Variants in HERC1 observed in about 807,000 individuals in gnomAD.
HERC1 encodes the protein HECT and RLD domain containing E3 ubiquitin protein ligase family member 1, also known as probable E3 ubiquitin-protein ligase HERC1.
HERC1 carries 160 observed loss-of-function variants against 554.3 expected under a neutral mutation model. That is an observed-to-expected ratio of 0.29 (90% CI 0.25 to 0.33). HERC1 has a LOEUF of 0.33. Among genes scored for constraint, HERC1 ranks in the 10% least tolerant of loss-of-function variants. HERC1 has a pLI of 1.00. For synonymous variants in HERC1, 2,175 were observed against 2,131.7 expected (o/e 1.02, Z -0.56); for missense variants, 4,919 against 5,918.5 (o/e 0.83, Z 5.54).
chr15:63,708,529 G>T (rs1478838652), intron 24 of HERC1, among the ~76,000 whole-genome samples: 2 of 152,214 alleles, frequency 1.3e-5, no homozygotes, highest in Middle Eastern at 3.4e-3. Flanking sequence ...GACTAGAAGG[G>T]TGTAGCAAGA....
chr15:63,701,386 T>C (rs1162326286), intron 25 of HERC1, among the ~76,000 whole-genome samples: 2 of 152,190 alleles, frequency 1.3e-5, no homozygotes, highest in African/African-American at 2.4e-5. Context: ...CAAAATATTC[T>C]ATGGAATGGC....
In HERC1 at chr15:63,717,584, T is replaced by A. The variant is rs535154308; in HGVS notation, c.3978+990A>T. ...AATAAGTAGTTTCGGCCAGGTGAGG[T>A]GGCTCACGCCTATAATCCTAGCATT... On this transcript the variant is annotated intron_variant, in intron 21 of 77. Coordinates refer to ENST00000443617, the MANE Select transcript of HERC1 (RefSeq NM_003922.4). Among the ~76,000 whole-genome samples, 17 of 152,332 alleles carry A rather than the reference T, an allele frequency of 1.1e-4. No individual in the cohort carries two copies. The East Asian group carries it at 3.3e-3, about 29-fold the overall frequency.
chr15:63,672,991 GT>G (rs1214791525), intron 38 of HERC1, among the ~76,000 whole-genome samples: 1 of 152,096 alleles, frequency 6.6e-6, no homozygotes, highest in Non-Finnish European at 1.5e-5. Context: ...CTCACTTTTG[GT>G]TGTAAGATCT....
At chr15:63,817,053 G>C (rs2077515753) in intron 1 of HERC1, among the ~76,000 whole-genome samples, 1 of 152,092 alleles carries the variant, frequency 6.6e-6, no homozygotes, top group African/African-American at 2.4e-5. Context: ...TGACATTACA[G>C]AGATGCAATG....
Position 63,677,767 on chromosome 15 carries a change from T to G in HERC1, c.7070+78A>C. On this transcript the variant is annotated intron_variant, in intron 37 of 77. Coordinates refer to ENST00000443617, the MANE Select transcript of HERC1 (RefSeq NM_003922.4). The surrounding 1 kb of genome is among the most constrained non-coding windows in gnomAD (Gnocchi z 4.4). The stretch of plus-strand genomic sequence containing the variant: ...CTGGCAGCTCACCTAAAATACATAA[T>G]TACTCACTGTCGACAGGCAATGGCC... 6.6e-7 allele frequency: 1 copy of G among 1,526,184 alleles called. No individual in the cohort carries two copies. The highest frequency in any genetic ancestry group is 2.1e-5 in the Admixed American group (1 of 48,170). The allele number at this position is 1,526,184 out of a possible 1,614,324, so 94.5% of individuals were successfully genotyped here.
intron 76 of HERC1, among the ~76,000 whole-genome samples, chr15:63,614,926 T>C (rs565754902): frequency 1.3e-5 from 2 of 152,306 alleles, no homozygotes; most frequent in Non-Finnish European, 2.9e-5. Context: ...ATGTGATATA[T>C]CTTGAGGAAC....
At chr15:63,829,561 GTATA>G (rs60037018) in intron 1 of HERC1, among the ~76,000 whole-genome samples, 4,832 of 81,618 alleles carry the variant, frequency 0.059, 154 homozygotes, top group Middle Eastern at 0.11. Context: ...GTGTGTGTGT[GTATA>G]TATATATATA....
intron 46 of HERC1, 74 bp from the exon 47 acceptor site, chr15:63,660,010 G>GA: frequency 8.3e-7 from 1 of 1,201,174 alleles, no homozygotes; most frequent in Non-Finnish European, 1.2e-6. Flanking sequence ...TGGTTGTTCT[G>GA]AAAATACATC....
intron 1 of HERC1, among the ~76,000 whole-genome samples, chr15:63,796,030 A>G (rs1208254516): frequency 1.3e-5 from 2 of 152,380 alleles, no homozygotes; most frequent in East Asian, 3.9e-4. Flanking sequence ...AGCTAAGAAC[A>G]TAAAGTACAT....
rs1052365307 is a variant in HERC1, at chr15:63,616,847, C to A, written c.13689-165G>T. ...AAATAAAACTAAAAATTCAGTTCTT[C>A]GGCTTCCCTAATCACACGTTGAGTT... On this transcript the variant is annotated intron_variant, in intron 74 of 77. Coordinates refer to ENST00000443617, the MANE Select transcript of HERC1 (RefSeq NM_003922.4). The A allele has an allele frequency of 2.0e-5, 13 of 638,530 alleles. 1 individual carries two copies. The South Asian group carries it at 2.5e-4, about 12-fold the overall frequency. The allele number at this position is 638,530 out of a possible 1,614,324, so 39.6% of individuals were successfully genotyped here. A position where few individuals can be genotyped will look rare whatever the true frequency, so the allele number is the denominator to read the frequency against.
chr15:63,684,727 G>C lies in HERC1; in HGVS notation c.6225+1632C>G, dbSNP rs576155795. Among the ~76,000 whole-genome samples, 6 of 152,252 alleles carry C rather than the reference G, an allele frequency of 3.9e-5. No individual in the cohort carries two copies. The East Asian group carries it at 1.2e-3, about 29-fold the overall frequency. The stretch of plus-strand genomic sequence containing the variant: ...AGCGGGGGAAAAAAATCTATGTTGG[G>C]CCAGGCGCGGTGGCTCACACCTGTA... On this transcript the variant is annotated intron_variant, in intron 34 of 77. Transcript: ENST00000443617.
intron 1 of HERC1, among the ~76,000 whole-genome samples, chr15:63,821,752 C>T (rs969168091): frequency 7.6e-6 from 1 of 131,100 alleles, no homozygotes; most frequent in Non-Finnish European, 1.6e-5. Context: ...AAAAAAAAAT[C>T]AGATAATCTA....
chr15:63,660,800 T>G (rs933780047), intron 46 of HERC1, among the ~76,000 whole-genome samples, 173 bp downstream of exon 46: 1 of 152,234 alleles, frequency 6.6e-6, no homozygotes, highest in Non-Finnish European at 1.5e-5. Flanking sequence ...CTTTGACTTT[T>G]AAACCAGCGT....
intron 64 of HERC1, chr15:63,637,093 C>T (rs1464457314): frequency 6.6e-6 from 3 of 456,400 alleles, no homozygotes; most frequent in Admixed American, 2.3e-5. Context: ...GGTGTTCTCT[C>T]TCCAAGTCAC....
intron 12 of HERC1, among the ~76,000 whole-genome samples, chr15:63,741,587 G>A (rs754903267): frequency 9.8e-5 from 15 of 152,296 alleles, no homozygotes; most frequent in Non-Finnish European, 1.6e-4. Flanking sequence ...GATTACAGGC[G>A]TGCGCCTGGC....
intron 51 of HERC1, 66 bp from the exon 52 acceptor site, chr15:63,652,607 T>C: frequency 7.6e-7 from 1 of 1,307,336 alleles, no homozygotes; most frequent in South Asian, 1.4e-5. Context: ...TTGAAAAAGT[T>C]GTATCCAATT....
intron 68 of HERC1, among the ~76,000 whole-genome samples, chr15:63,632,110 T>C (rs1209529576): frequency 1.3e-5 from 2 of 152,170 alleles, no homozygotes; most frequent in Admixed American, 6.5e-5. Context: ...TAACTAAAAC[T>C]AAATTCCTTA....
chr15:63,638,654 T>C lies in HERC1; in HGVS notation c.11967+57A>G. 1.9e-6 allele frequency: 3 copies of C among 1,586,972 alleles called. No individual in the cohort carries two copies. In the Admixed American group the frequency reaches 5.0e-5, roughly 26 times the overall value. On this transcript the variant is annotated intron_variant, in intron 62 of 77. Transcript: ENST00000443617. ...ACACCAGGGCACAAACACACAAGCA[T>C]TTAGAATCAAAACATTGACTGAGAA...
chr15:63,827,250 C>G lies in HERC1; in HGVS notation c.-27+6577G>C, dbSNP rs959786135. Among the ~76,000 whole-genome samples, 4 of 152,102 alleles carry G rather than the reference C, an allele frequency of 2.6e-5. No homozygotes were observed. In the South Asian group the frequency reaches 8.3e-4, roughly 32 times the overall value. ...GACCAGCCTGGGCAACATGACAAAA[C>G]CCCATCTCAAAAAATCAACAAATTA... On this transcript the variant is annotated intron_variant, in intron 1 of 77. Coordinates refer to ENST00000443617, the MANE Select transcript of HERC1 (RefSeq NM_003922.4).
Sources: allele counts gnomAD v4.1 joint callset (sites outside exome capture counted in the v4.1 genomes callset), GRCh38; gene constraint gnomAD v4.1.1; non-coding constraint Gnocchi (gnomAD v3.1); transcripts MANE v1.5; gene names NCBI Gene and HGNC (gene_info 2026-07-23, HGNC 2026-07-21).